KHDRBS2: variants seen among roughly 807,000 people sequenced by gnomAD.
The protein encoded by KHDRBS2 is KH domain-containing, RNA-binding, signal transduction-associated protein 2.
Under a neutral mutation model 44.3 loss-of-function variants are expected in KHDRBS2, and 26 were observed. The observed-to-expected ratio is 0.59, with a 90% CI of 0.43 to 0.81. The LOEUF is 0.81. Ranked by LOEUF, KHDRBS2 falls within the 40% of genes least tolerant of loss-of-function variation. The pLI is 0.00. For synonymous variants in KHDRBS2, 194 were observed against 151.1 expected, an observed-to-expected ratio of 1.28 and a Z score of -2.08; for missense variants, 476 against 433.1, an observed-to-expected ratio of 1.10 and a Z score of -0.88.
chr6:61,774,662 A>G (rs1781628958), intron 6 of KHDRBS2, among the ~76,000 whole-genome samples: 1 of 152,092 alleles, frequency 6.6e-6, no homozygotes, highest in Non-Finnish European at 1.5e-5. Flanking sequence ...TAGCTTACAA[A>G]CCAAAAAGTC....
intron 6 of KHDRBS2, among the ~76,000 whole-genome samples, chr6:61,828,791 A>C (rs1281530403): frequency 6.6e-6 from 1 of 152,150 alleles, no homozygotes; most frequent in South Asian, 2.1e-4. Flanking sequence ...GGCAGATACA[A>C]TATTTTATTT....
At chr6:62,231,224 AG>A (rs2150159212) in intron 1 of KHDRBS2, among the ~76,000 whole-genome samples, 1 of 152,284 alleles carries the variant, frequency 6.6e-6, no homozygotes, top group Non-Finnish European at 1.5e-5. Context: ...ACTTCTATAA[AG>A]AAAGACCCAA....
intron 4 of KHDRBS2, among the ~76,000 whole-genome samples, chr6:61,924,736 T>G (rs1654593124): frequency 6.6e-6 from 1 of 151,906 alleles, no homozygotes; most frequent in South Asian, 2.1e-4. Flanking sequence ...ATATTCTATT[T>G]AATATTTAGT....
At chr6:62,132,789 C>A (rs1471838721) in intron 2 of KHDRBS2, among the ~76,000 whole-genome samples, 1 of 152,068 alleles carries the variant, frequency 6.6e-6, no homozygotes, top group Non-Finnish European at 1.5e-5. Flanking sequence ...TATTCTCTTC[C>A]CTTCTAATGG....
chr6:62,248,156 G>T (rs1835913664), intron 1 of KHDRBS2, among the ~76,000 whole-genome samples: 2 of 151,794 alleles, frequency 1.3e-5, no homozygotes, highest in African/African-American at 4.8e-5. Flanking sequence ...ATAAATTAAG[G>T]TTGTGAGTAT....
intron 1 of KHDRBS2, among the ~76,000 whole-genome samples, chr6:62,215,417 C>CAACTCAACCATA (rs1829817396): frequency 6.6e-6 from 1 of 151,576 alleles, no homozygotes; most frequent in Non-Finnish European, 1.5e-5. Flanking sequence ...CTCCTTCCTC[C>CAACTCAACCATA]AACTCAACCA....
chr6:61,816,747 G>A (rs916517453), intron 6 of KHDRBS2: 43 of 376,282 alleles, frequency 1.1e-4, no homozygotes, highest in South Asian at 5.4e-4. Context: ...GCCATATTAC[G>A]TAATGAAACA....
the KHDRBS2 span, among the ~76,000 whole-genome samples, chr6:61,656,509 C>G: frequency 3.3e-5 from 5 of 152,102 alleles, no homozygotes; most frequent in Admixed American, 3.3e-4. Context: ...TCCCTAATTA[C>G]AGAGACGTAT....
At chr6:62,011,503 T>C (rs977818223) in intron 3 of KHDRBS2, among the ~76,000 whole-genome samples, 2 of 152,208 alleles carry the variant, frequency 1.3e-5, no homozygotes, top group African/African-American at 4.8e-5. Context: ...ATTTCATTAA[T>C]AGTACTAGGA....
rs1352337656 is a variant in KHDRBS2, at chr6:61,978,183, G to A, written c.366C>T (p.Ala122=). The A allele has an allele frequency of 1.2e-6, 2 of 1,607,528 alleles. No homozygotes were observed. Among genetic ancestry groups the A allele is most frequent in the East Asian group, 2.2e-5 (1 of 44,762 alleles). The change falls in exon 4 of 9, where the codon GCC becomes GCT. Residue 122 remains alanine, a synonymous_variant. Coordinates refer to ENST00000281156, the MANE Select transcript of KHDRBS2 (RefSeq NM_152688.4). ...KEEELRKSGE[A]KYAHLSDELH... Reference sequence around the variant, plus strand: ...GCTCATCACTCAAGTGGGCATATTTGGCTTCCCCACTCTTCCTTAGTTCTT... The same window carrying A: ...GCTCATCACTCAAGTGGGCATATTTAGCTTCCCCACTCTTCCTTAGTTCTT...
intron 3 of KHDRBS2, among the ~76,000 whole-genome samples, chr6:61,998,594 G>A (rs1029920948): frequency 4.1e-4 from 62 of 151,958 alleles, no homozygotes; most frequent in African/African-American, 1.3e-3. Flanking sequence ...ACCAAAATAC[G>A]TAGATACGAG....
intron 7 of KHDRBS2, among the ~76,000 whole-genome samples, chr6:61,699,199 A>T (rs1325279154): frequency 1.3e-5 from 2 of 152,084 alleles, no homozygotes; most frequent in Non-Finnish European, 2.9e-5. Flanking sequence ...TAAATTACTC[A>T]TAGGAAGCCC....
At chr6:61,631,793 G>C in the KHDRBS2 span, among the ~76,000 whole-genome samples, 1 of 152,062 alleles carries the variant, frequency 6.6e-6, no homozygotes, top group Non-Finnish European at 1.5e-5. Flanking sequence ...TGGTTATGGG[G>C]AAAACACAAA....
chr6:62,177,560 G>GA (rs1314262883), intron 1 of KHDRBS2, among the ~76,000 whole-genome samples: 4 of 151,116 alleles, frequency 2.6e-5, no homozygotes, highest in Non-Finnish European at 3.0e-5. Context: ...TGTCTTCTGT[G>GA]AAAAAATTGA....
At chr6:62,130,708 A>C (rs914398214) in intron 2 of KHDRBS2, among the ~76,000 whole-genome samples, 2 of 152,094 alleles carry the variant, frequency 1.3e-5, no homozygotes, top group African/African-American at 4.8e-5. Flanking sequence ...AAAACACCTA[A>C]CATGCAGAAC....
chr6:62,159,509 A>C (rs992214234), intron 2 of KHDRBS2, among the ~76,000 whole-genome samples: 2 of 152,224 alleles, frequency 1.3e-5, no homozygotes, highest in Admixed American at 1.3e-4. Flanking sequence ...TCCATTATAC[A>C]GTAACTGTGC....
At chr6:62,100,294 C>T (rs1190394292) in intron 2 of KHDRBS2, among the ~76,000 whole-genome samples, 1 of 152,146 alleles carries the variant, frequency 6.6e-6, no homozygotes, top group South Asian at 2.1e-4. Flanking sequence ...TATAAATTAG[C>T]AAAGAAAGTC....
chr6:61,810,114 C>T lies in KHDRBS2; in HGVS notation c.811-77350G>A, dbSNP rs139765454. 6.1e-3 allele frequency among the ~76,000 whole-genome samples: 932 copies of T among 152,166 alleles called. 3 individuals are homozygous for T. The highest frequency in any genetic ancestry group is 9.9e-3 in the Admixed American group (151 of 15,260). Reference sequence around the variant, plus strand: ...GCTTTGAGGTACAGCATTCTCCATCCGTACCTTGGTTTCTCAGTGTGACTG... The same window carrying T: ...GCTTTGAGGTACAGCATTCTCCATCTGTACCTTGGTTTCTCAGTGTGACTG... On this transcript the variant is annotated intron_variant, in intron 6 of 8. Coordinates refer to ENST00000281156, the MANE Select transcript of KHDRBS2 (RefSeq NM_152688.4).
At chr6:62,210,862 G>A (rs1828925489) in intron 1 of KHDRBS2, among the ~76,000 whole-genome samples, 1 of 152,096 alleles carries the variant, frequency 6.6e-6, no homozygotes, top group South Asian at 2.1e-4. Flanking sequence ...ATAAGAAAGT[G>A]AGGCTGAGTA....
Sources: allele counts gnomAD v4.1 joint callset (sites outside exome capture counted in the v4.1 genomes callset), GRCh38; gene constraint gnomAD v4.1.1; transcripts MANE v1.5; gene names NCBI Gene and HGNC (gene_info 2026-07-23, HGNC 2026-07-21).